SERF2: variants seen among roughly 807,000 people sequenced by gnomAD.
The protein encoded by SERF2 is small EDRK-rich factor 2.
Under a neutral mutation model 10.7 loss-of-function variants are expected in SERF2, and 4 were observed. The ratio of observed to expected loss-of-function variants is 0.37; its 90% confidence interval spans 0.18 to 0.86. The LOEUF (loss-of-function observed/expected upper bound fraction) is 0.86, where lower values mean the gene tolerates loss of function less well. Among genes scored for constraint, SERF2 ranks in the 40% least tolerant of loss-of-function variants. The pLI, the probability that SERF2 is intolerant of heterozygous loss-of-function variation, is 0.43. For missense variants in SERF2, 47 were observed against 79.1 expected (o/e 0.59, Z 1.54); for synonymous variants, 26 against 26.0 (o/e 1.00, Z 0.01).
At position 43,794,054 on chromosome 15, in the gene SERF2, G is replaced by A. The variant is rs1406701049; in HGVS notation, c.*281G>A. ...AAAGTAGCTTTGTAATTCCTTGAGCGCCTGGTTTGACTGGGGACTTGGGGG... is the reference window on the plus strand; with the variant it reads ...AAAGTAGCTTTGTAATTCCTTGAGCACCTGGTTTGACTGGGGACTTGGGGG... On this transcript the variant is annotated 3_prime_UTR_variant, in exon 3 of 3. Coordinates refer to ENST00000249786, the MANE Select transcript of SERF2 (RefSeq NM_001018108.4). 7 of 1,348,594 alleles carry A rather than the reference G, an allele frequency of 5.2e-6. No individual in the cohort carries two copies. Among genetic ancestry groups the A allele is most frequent in the Admixed American group, 2.9e-5 (1 of 35,018 alleles). 83.5% of individuals were successfully genotyped at this position (1,348,594 alleles called of 1,614,324 possible). A position where few individuals can be genotyped will look rare whatever the true frequency, so the allele number is the denominator to read the frequency against.
chr15:43,792,246 G>A, upstream of SERF2: 1 of 814,956 alleles, frequency 1.2e-6, no homozygotes, highest in Non-Finnish European at 2.1e-6. Context: ...TCCAATGGGA[G>A]CCGGCTCCCG....
chr15:43,793,666 T>C, intron 2 of SERF2, 44 bp from the exon 3 acceptor site: 1 of 1,614,132 alleles, frequency 6.2e-7, no homozygotes, highest in Non-Finnish European at 8.5e-7. Context: ...CTTGTCCTTT[T>C]TGCCCTCTGG....
At chr15:43,792,810 C>T (rs1232633018) in intron 1 of SERF2, 165 bp from the exon 2 acceptor site, 3 of 673,546 alleles carry the variant, frequency 4.5e-6, no homozygotes, top group Non-Finnish European at 7.4e-6. Context: ...GTGGCAGATT[C>T]GCCACTCCCC....
chr15:43,792,704 A>G, intron 1 of SERF2: 1 of 1,080,086 alleles, frequency 9.3e-7, no homozygotes, highest in Non-Finnish European at 1.3e-6. Flanking sequence ...GTCCACACAC[A>G]CCTTGCCAGC....
At position 43,796,055 on chromosome 15, in the gene SERF2, A is replaced by G. The variant is rs556494865; in HGVS notation, c.*2282A>G. The G allele has an allele frequency of 3.5e-6, 3 of 857,484 alleles. No individual in the cohort carries two copies. The South Asian group carries it at 4.3e-5, about 12-fold the overall frequency. 53.1% of individuals were successfully genotyped at this position (857,484 alleles called of 1,614,324 possible). A position where few individuals can be genotyped will look rare whatever the true frequency, so the allele number is the denominator to read the frequency against. ...TGGGTACTCAATAAAAGGTAACAGC[A>G]GCTATAATCTGAGCATTCTGGGTAG... On this transcript the variant is annotated 3_prime_UTR_variant, in exon 3 of 3. Transcript: ENST00000249786.
upstream of SERF2, among the ~76,000 whole-genome samples, chr15:43,787,467 C>A (rs1055786250): frequency 2.0e-5 from 3 of 151,818 alleles, no homozygotes; most frequent in African/African-American, 7.3e-5. Flanking sequence ...GTGCGATTTC[C>A]GCTCACCGCA....
chr15:43,793,975 GGGT>G lies in SERF2; in HGVS notation c.*203_*205del. On this transcript the variant is annotated 3_prime_UTR_variant, in exon 3 of 3. Coordinates refer to ENST00000249786, the MANE Select transcript of SERF2 (RefSeq NM_001018108.4). The stretch of plus-strand genomic sequence containing the variant: ...CCCTGGGCCACTCCCGGGGGTGAGG[GGGT>G]TACCCCTTCCCAGTGTTTTTTATTC... 2 of 1,524,478 alleles carry G rather than the reference GGGT, an allele frequency of 1.3e-6. No individual in the cohort carries two copies. The highest frequency in any genetic ancestry group is 1.8e-6 in the Non-Finnish European group (2 of 1,134,976). 94.4% of individuals were successfully genotyped at this position (1,524,478 alleles called of 1,614,324 possible).
intron 1 of SERF2, 21 bp from the exon 2 acceptor site, chr15:43,792,954 C>G (rs1350189873): frequency 6.4e-7 from 1 of 1,570,498 alleles, no homozygotes; most frequent in East Asian, 2.3e-5. Context: ...CCGCGTCTCA[C>G]CTTTAATTTT....
upstream of SERF2, among the ~76,000 whole-genome samples, chr15:43,790,969 C>A (rs534889604): frequency 5.4e-5 from 8 of 148,928 alleles, no homozygotes; most frequent in South Asian, 1.7e-3. Context: ...GGGGTTTTAC[C>A]GTGTTAGCCA....
At chr15:43,793,235 C>A in intron 2 of SERF2, 152 bp downstream of exon 2, 1 of 603,642 alleles carries the variant, frequency 1.7e-6, no homozygotes, top group Non-Finnish European at 3.0e-6. Flanking sequence ...TCCTCCCCAC[C>A]CTCCAAATTG....
Position 43,796,069 on chromosome 15 carries a change from C to T in SERF2, c.*2296C>T, listed in dbSNP as rs970147516. 1 of 969,060 alleles carries T rather than the reference C, an allele frequency of 1.0e-6. No individual in the cohort carries two copies. Among genetic ancestry groups the T allele is most frequent in the Admixed American group, 1.8e-5 (1 of 55,098 alleles). The allele number at this position is 969,060 out of a possible 1,614,324, so 60.0% of individuals were successfully genotyped here. Reference sequence around the variant, plus strand: ...AAGGTAACAGCAGCTATAATCTGAGCATTCTGGGTAGAGGTTGGTAGGATG... The same window carrying T: ...AAGGTAACAGCAGCTATAATCTGAGTATTCTGGGTAGAGGTTGGTAGGATG... On this transcript the variant is annotated 3_prime_UTR_variant, in exon 3 of 3. Coordinates refer to ENST00000249786, the MANE Select transcript of SERF2 (RefSeq NM_001018108.4).
intron 1 of SERF2, among the ~76,000 whole-genome samples, chr15:43,783,909 G>C (rs890395786): frequency 1.4e-5 from 2 of 147,434 alleles, no homozygotes; most frequent in Non-Finnish European, 3.0e-5. Flanking sequence ...CTACAAGCGG[G>C]TGCCACCACG....
chr15:43,791,047 C>G (rs1466039847), upstream of SERF2, among the ~76,000 whole-genome samples: 1 of 151,060 alleles, frequency 6.6e-6, no homozygotes, highest in Admixed American at 6.6e-5. Flanking sequence ...GGATTACAGG[C>G]GTGAGCCACC....
At chr15:43,792,597 C>A in intron 1 of SERF2, 1 of 1,443,454 alleles carries the variant, frequency 6.9e-7, no homozygotes, top group Non-Finnish European at 9.1e-7. Context: ...TAGGCCCTCC[C>A]GGATCTTCCG....
intron 1 of SERF2, among the ~76,000 whole-genome samples, chr15:43,782,792 C>G (rs111300810): frequency 3.4e-4 from 52 of 152,122 alleles, no homozygotes; most frequent in African/African-American, 1.2e-3. Context: ...TTTCAGGAAG[C>G]TTTTGGACAA....
chr15:43,792,457 T>G (rs2087084144), intron 1 of SERF2, 74 bp downstream of exon 1: 5 of 1,612,650 alleles, frequency 3.1e-6, no homozygotes, highest in Non-Finnish European at 4.2e-6. Flanking sequence ...GGCGCCGGCT[T>G]TGACCTTCCG....
chr15:43,795,808 G>T lies in SERF2; in HGVS notation c.*2035G>T, dbSNP rs990369286. Reference sequence around the variant, plus strand: ...GGTGTTAATCTAGGAAACTTCCCCCGTGAAAAGATTGGTCTAGTATTAAAA... The same window carrying T: ...GGTGTTAATCTAGGAAACTTCCCCCTTGAAAAGATTGGTCTAGTATTAAAA... On this transcript the variant is annotated 3_prime_UTR_variant, in exon 3 of 3. Transcript: ENST00000249786. The T allele has an allele frequency of 6.0e-6, 9 of 1,506,538 alleles. No homozygotes were observed. The African/African-American group carries it at 1.1e-4, about 18-fold the overall frequency. The allele number at this position is 1,506,538 out of a possible 1,614,324, so 93.3% of individuals were successfully genotyped here. A position where few individuals can be genotyped will look rare whatever the true frequency, so the allele number is the denominator to read the frequency against.
upstream of SERF2, among the ~76,000 whole-genome samples, chr15:43,791,688 T>C (rs1183959702): frequency 1.3e-5 from 2 of 152,250 alleles, no homozygotes; most frequent in Non-Finnish European, 2.9e-5. Context: ...ACTTCCAAGC[T>C]GCATGTTCAC....
chr15:43,789,291 C>T (rs1171721130), upstream of SERF2, among the ~76,000 whole-genome samples: 1 of 152,166 alleles, frequency 6.6e-6, no homozygotes, highest in African/African-American at 2.4e-5. Flanking sequence ...CCACCCTGCT[C>T]ATTAGGCATT....
Sources: allele counts gnomAD v4.1 joint callset (sites outside exome capture counted in the v4.1 genomes callset), GRCh38; gene constraint gnomAD v4.1.1; transcripts MANE v1.5; gene names NCBI Gene and HGNC (gene_info 2026-07-23, HGNC 2026-07-21).